Variants in NOC3L observed in about 807,000 individuals in gnomAD.
NOC3L encodes NOC3 like DNA replication regulator, also known as nucleolar complex protein 3 homolog.
NOC3L carries 85 observed loss-of-function variants against 102.5 expected under a neutral mutation model. The observed-to-expected ratio is 0.83, with a 90% confidence interval of 0.70 to 0.99. The LOEUF (loss-of-function observed/expected upper bound fraction) is 0.99, where lower values mean the gene tolerates loss of function less well. NOC3L is among the 50% of genes least tolerant of loss of function. NOC3L has a pLI of 0.00. For missense variants in NOC3L, 878 were observed against 914.9 expected (o/e 0.96, Z 0.52); for synonymous variants, 303 against 309.4 (o/e 0.98, Z 0.22).
Position 94,340,289 on chromosome 10 carries a change from G to T in NOC3L, c.1767C>A (p.Phe589Leu). The change falls in exon 16 of 21, where the codon TTC becomes TTA. Residue 589 changes from phenylalanine to leucine, a missense_variant. Coordinates refer to ENST00000371361, the MANE Select transcript of NOC3L (RefSeq NM_022451.11). Reference sequence around the variant, plus strand: ...AAACATACATACCTGCATGTAATTTGAACAGTGTTTTGTAGAGATGTGTGT... The same window carrying T: ...AAACATACATACCTGCATGTAATTTTAACAGTGTTTTGTAGAGATGTGTGT... ...KFYTHLYKTLFKLHAGATNEG... is the reference protein window; with the variant it reads ...KFYTHLYKTLLKLHAGATNEG... 6.2e-7 allele frequency: 1 copy of T among 1,610,424 alleles called. No individual in the cohort carries two copies. The highest frequency in any genetic ancestry group is 1.1e-5 in the South Asian group (1 of 90,736).
chr10:94,361,556 G>A (rs2054551045), intron 2 of NOC3L, 109 bp downstream of exon 2: 2 of 1,002,792 alleles, frequency 2.0e-6, no homozygotes, highest in Admixed American at 3.9e-5. Context: ...CCCACTCTAG[G>A]AAGATCTGAG....
intron 10 of NOC3L, among the ~76,000 whole-genome samples, chr10:94,346,830 G>C (rs188009903): frequency 3.3e-5 from 5 of 152,238 alleles, no homozygotes; most frequent in Admixed American, 3.3e-4. Context: ...ATAAGGAAGA[G>C]AGAACACATG....
intron 2 of NOC3L, 60 bp downstream of exon 2, chr10:94,361,605 A>C (rs1173598944): frequency 6.6e-7 from 1 of 1,520,432 alleles, no homozygotes; most frequent in Non-Finnish European, 9.1e-7. Context: ...AGTTATTTCC[A>C]TGAAGAACAC....
chr10:94,344,343 G>A (rs2133992819), intron 13 of NOC3L, 72 bp downstream of exon 13: 1 of 898,380 alleles, frequency 1.1e-6, no homozygotes, highest in Admixed American at 2.1e-5. Context: ...CATCATTAGG[G>A]AACTCTCGAA....
intron 2 of NOC3L, 69 bp from the exon 3 acceptor site, chr10:94,358,284 T>C: frequency 1.1e-6 from 1 of 884,884 alleles, no homozygotes. Context: ...ACTCTCTGCA[T>C]TTTGGGTTTA....
At chr10:94,348,007 TG>T (rs2054365914) in intron 10 of NOC3L, among the ~76,000 whole-genome samples, 1 of 151,686 alleles carries the variant, frequency 6.6e-6, no homozygotes, top group African/African-American at 2.4e-5. Flanking sequence ...TGATTATTAT[TG>T]TACCACATAC....
At chr10:94,340,056 T>C in intron 16 of NOC3L, 136 bp from the exon 17 acceptor site, 1 of 792,672 alleles carries the variant, frequency 1.3e-6, no homozygotes, top group Non-Finnish European at 2.0e-6. Flanking sequence ...GGTAGTGCTA[T>C]ACTGCTAAGG....
At chr10:94,320,807 A>C in the NOC3L span, among the ~76,000 whole-genome samples, 1 of 152,226 alleles carries the variant, frequency 6.6e-6, no homozygotes, top group Non-Finnish European at 1.5e-5. Flanking sequence ...ATCTAAATTC[A>C]CCTAATTCAA....
rs2054238775 is a variant in NOC3L, at chr10:94,337,822, G to A, written c.2144C>T (p.Ala715Val). ...QRFAAHLIAG[A>V]PSEGSGALKP... ...GAGTGCTCCAGAGCCTTCAGAAGGTGCTCCAGCGATCAGGTGGGCTGCAAA... is the reference window on the plus strand; with the variant it reads ...GAGTGCTCCAGAGCCTTCAGAAGGTACTCCAGCGATCAGGTGGGCTGCAAA... Residue 715 changes from alanine (A) to valine (V), a missense_variant, in exon 19 of 21, where the codon GCA (alanine) becomes GTA (valine). By Grantham distance (64) the Ala-to-Val change is moderately conservative (BLOSUM62 0). Transcript: ENST00000371361. The A allele has an allele frequency of 1.2e-6, 2 of 1,614,028 alleles. No homozygotes were observed. The highest frequency in any genetic ancestry group is 1.1e-5 in the South Asian group (1 of 91,072).
intron 18 of NOC3L, 115 bp from the exon 19 acceptor site, chr10:94,337,989 T>G: frequency 1.6e-6 from 1 of 624,416 alleles, no homozygotes; most frequent in Non-Finnish European, 2.8e-6. Flanking sequence ...TCATCACCTA[T>G]GTACAGTATA....
In NOC3L at chr10:94,361,857, GTTTT is replaced by G. The variant is rs1402711140; in HGVS notation, c.21_24del (p.Lys7AsnfsTer9). On this transcript the variant is annotated frameshift_variant, in exon 2 of 21. Coordinates refer to ENST00000371361, the MANE Select transcript of NOC3L (RefSeq NM_022451.11). LOFTEE classifies it high-confidence loss of function. ...ATTAACTTGCGAAAGCTTGGGATCT[GTTTT>G]TTATTTCTTCTCTAGAAAATAACAG... 6.2e-7 allele frequency: 1 copy of G among 1,608,620 alleles called. No homozygotes were observed. The highest frequency in any genetic ancestry group is 2.2e-5 in the East Asian group (1 of 44,840).
chr10:94,331,243 C>T (rs2054152762), downstream of NOC3L: 1 of 152,170 alleles, frequency 6.6e-6, no homozygotes, highest in Admixed American at 6.5e-5. Flanking sequence ...TGCCTCCCAT[C>T]TCAATACCTC....
chr10:94,358,310 C>G, intron 2 of NOC3L, 95 bp from the exon 3 acceptor site: 1 of 735,100 alleles, frequency 1.4e-6, no homozygotes, highest in Non-Finnish European at 2.3e-6. Context: ...GAAAAGCTTA[C>G]GCTTTCTGAA....
chr10:94,345,798 T>G (rs1036351072), intron 11 of NOC3L, among the ~76,000 whole-genome samples: 3 of 152,142 alleles, frequency 2.0e-5, no homozygotes, highest in Non-Finnish European at 4.4e-5. Flanking sequence ...TTGATCACTC[T>G]AATAAACTGT....
the NOC3L span, among the ~76,000 whole-genome samples, chr10:94,326,424 G>A: frequency 6.6e-6 from 1 of 152,044 alleles, no homozygotes; most frequent in African/African-American, 2.4e-5. Flanking sequence ...ACTCTGCAGT[G>A]GTCAAAATTT....
At chr10:94,346,591 A>T in intron 10 of NOC3L, 35 bp from the exon 11 acceptor site, 2 of 1,184,636 alleles carry the variant, frequency 1.7e-6, no homozygotes, top group Non-Finnish European at 2.3e-6. Context: ...TATACAGCTT[A>T]ATATTTATAT....
chr10:94,355,023 C>G lies in NOC3L; in HGVS notation c.636G>C (p.Gln212His), dbSNP rs368362912. ...EHLIERKKKL[Q>H]EKKMHIAALA... ...AGGCTGCAATATGCATCTTCTTCTCCTGTAATTTCTTCTTTCTCTCAATCA... is the reference window on the plus strand; with the variant it reads ...AGGCTGCAATATGCATCTTCTTCTCGTGTAATTTCTTCTTTCTCTCAATCA... Residue 212 changes from glutamine to histidine, a missense_variant, in exon 6 of 21, where the codon CAG becomes CAC. Physicochemically the swap from Gln to His is conservative, Grantham distance 24. Transcript: ENST00000371361. 6 of 1,612,890 alleles carry G rather than the reference C, an allele frequency of 3.7e-6. No homozygotes were observed. The African/African-American group carries it at 8.0e-5, about 22-fold the overall frequency.
At chr10:94,354,699 T>C (rs548528130) in intron 6 of NOC3L, among the ~76,000 whole-genome samples, 3 of 152,214 alleles carry the variant, frequency 2.0e-5, no homozygotes, top group Non-Finnish European at 2.9e-5. Flanking sequence ...TTTAGAGTTA[T>C]AAGATGTCCA....
rs894845447 is a variant in NOC3L, at chr10:94,344,842, A to C, written c.1470+11T>G. The C allele has an allele frequency of 1.3e-6, 2 of 1,578,472 alleles. No homozygotes were observed. The highest frequency in any genetic ancestry group is 1.7e-6 in the Non-Finnish European group (2 of 1,163,422). ...CATTTTAAAAGCATAACAGAATATG[A>C]AACTGCCTACCAGTTTAAGTTTTTT... On this transcript the variant is annotated intron_variant, in intron 12 of 20. Coordinates refer to ENST00000371361, the MANE Select transcript of NOC3L (RefSeq NM_022451.11).
Sources: gnomAD v4.1 joint callset for allele counts (sites outside exome capture counted in the v4.1 genomes callset) on GRCh38, gnomAD v4.1.1 for gene constraint, MANE v1.5 for transcripts, NCBI Gene and HGNC (gene_info 2026-07-23, HGNC 2026-07-21) for gene names.